The following ABLIM1 variants were observed in gnomAD, a reference collection of about 807,000 sequenced individuals.
ABLIM1 encodes the protein actin-binding LIM protein 1.
ABLIM1 carries 40 observed loss-of-function variants against 107.0 expected under a neutral mutation model. That is an observed-to-expected ratio of 0.37 (90% CI 0.29 to 0.49). ABLIM1 has a LOEUF of 0.49. Among genes scored for constraint, ABLIM1 ranks in the 20% least tolerant of loss-of-function variants. The probability of loss-of-function intolerance (pLI) is 0.97; values close to 1 mark genes in which losing one functional copy is unlikely to be tolerated. For synonymous variants in ABLIM1, 357 were observed against 357.3 expected (o/e 1.00, Z 0.01); for missense variants, 857 against 1,008.5 (o/e 0.85, Z 2.04).
chr10:114,646,620 G>T (rs974195829), intron 1 of ABLIM1, among the ~76,000 whole-genome samples: 1 of 152,186 alleles, frequency 6.6e-6, no homozygotes, highest in African/African-American at 2.4e-5. Context: ...TTCAAAGGAA[G>T]GAATGCTTGC....
intron 1 of ABLIM1, chr10:114,631,929 C>A (rs2078208924): frequency 1.5e-6 from 2 of 1,304,358 alleles, no homozygotes; most frequent in African/African-American, 3.0e-5. Flanking sequence ...GCAACCGGGT[C>A]CTCCGACGAG....
At chr10:114,563,006 A>G (rs1438291389) in intron 4 of ABLIM1, among the ~76,000 whole-genome samples, 2 of 152,226 alleles carry the variant, frequency 1.3e-5, no homozygotes, top group Non-Finnish European at 2.9e-5. Context: ...ACGTGAGCTC[A>G]CCCCATTGCC....
In ABLIM1 at chr10:114,667,017, T is replaced by A. The variant is rs575136954; in HGVS notation, c.64+17273A>T. Among the ~76,000 whole-genome samples, 5 of 152,276 alleles carry A rather than the reference T, an allele frequency of 3.3e-5. No individual in the cohort carries two copies. The East Asian group carries it at 7.7e-4, about 23-fold the overall frequency. The stretch of plus-strand genomic sequence containing the variant: ...ACTCATAAAAAGAAAAAAGCACCAC[T>A]GTCCACGTCTCCACCCTCCAGCAAA... On this transcript the variant is annotated intron_variant, in intron 1 of 23. Transcript: ENST00000369256.
intron 1 of ABLIM1, among the ~76,000 whole-genome samples, chr10:114,679,675 T>A (rs1418713718): frequency 6.0e-5 from 9 of 150,392 alleles, no homozygotes; most frequent in Non-Finnish European, 1.2e-4. Context: ...AACCTTTTAA[T>A]AAATTGCATG....
chr10:114,595,266 T>C (rs890701806), intron 2 of ABLIM1: 1 of 152,210 alleles, frequency 6.6e-6, no homozygotes, highest in African/African-American at 2.4e-5. Context: ...AAATGAACTA[T>C]AATTCACATT....
chr10:114,573,885 C>CA (rs2072074248), intron 3 of ABLIM1, among the ~76,000 whole-genome samples: 3 of 152,110 alleles, frequency 2.0e-5, no homozygotes, highest in Non-Finnish European at 2.9e-5. Flanking sequence ...AGGCTGTGTG[C>CA]CACAGCCTGA....
At chr10:114,719,679 T>G (rs1412778386) in intron 1 of ABLIM1, among the ~76,000 whole-genome samples, 4 of 152,226 alleles carry the variant, frequency 2.6e-5, no homozygotes, top group Non-Finnish European at 4.4e-5. Context: ...TGTGCTTTGC[T>G]GGATGATCCC....
chr10:114,480,600 A>T (rs2057200539), intron 8 of ABLIM1, among the ~76,000 whole-genome samples: 1 of 152,236 alleles, frequency 6.6e-6, no homozygotes, highest in Non-Finnish European at 1.5e-5. Flanking sequence ...GAAAGCAGGC[A>T]AGGTAGATAG....
At chr10:114,767,612 T>C (rs935275819) in intron 1 of ABLIM1, among the ~76,000 whole-genome samples, 1 of 124,638 alleles carries the variant, frequency 8.0e-6, no homozygotes, top group Admixed American at 7.6e-5. Flanking sequence ...GTGGGGAATT[T>C]ACTTTTTTTT....
chr10:114,747,772 G>C (rs1295035258), intron 1 of ABLIM1, among the ~76,000 whole-genome samples: 9 of 152,212 alleles, frequency 5.9e-5, no homozygotes. Context: ...GGGCACGATG[G>C]CTCACGCCTG....
chr10:114,752,906 T>C (rs1236512052), intron 1 of ABLIM1, among the ~76,000 whole-genome samples: 1 of 152,210 alleles, frequency 6.6e-6, no homozygotes, highest in Non-Finnish European at 1.5e-5. Context: ...AATATATGCG[T>C]GCAACAGATT....
intron 1 of ABLIM1, among the ~76,000 whole-genome samples, chr10:114,628,030 G>A (rs1448346479): frequency 1.3e-5 from 2 of 152,148 alleles, no homozygotes; most frequent in African/African-American, 2.4e-5. Flanking sequence ...GCTGAGGCAG[G>A]AGAATCACTT....
rs113538280 is a variant in ABLIM1 at position 114,741,517 on chromosome 10, G to A, written c.-213+26544C>T. 4.1e-3 allele frequency among the ~76,000 whole-genome samples: 627 copies of A among 152,034 alleles called. 5 individuals are homozygous for A. Among genetic ancestry groups the A allele is most frequent in the African/African-American group, 0.014 (601 of 41,474 alleles). ...TGGGATTACAGGCGTGAGCCACCTC[G>A]CCTGGCCAGCCTATTCTTAATATGA... On this transcript the variant is annotated intron_variant, in intron 1 of 15. Coordinates refer to the ABLIM1 transcript ENST00000651092.
At chr10:114,602,548 T>C (rs560480828) in intron 1 of ABLIM1, among the ~76,000 whole-genome samples, 9 of 152,342 alleles carry the variant, frequency 5.9e-5, no homozygotes, top group African/African-American at 2.2e-4. Context: ...CGATCATAAA[T>C]GGCAACTCAT....
chr10:114,766,568 G>A (rs2082899362), intron 1 of ABLIM1, among the ~76,000 whole-genome samples: 1 of 152,090 alleles, frequency 6.6e-6, no homozygotes, highest in Non-Finnish European at 1.5e-5. Flanking sequence ...TAACAAACTT[G>A]ATGCTTCCTA....
rs1163580318 is a variant in ABLIM1 at position 114,717,151 on chromosome 10, CA to C, written c.-213+50909del. On this transcript the variant is annotated intron_variant, in intron 1 of 15. Transcript: ENST00000651092. ...CAGGCCTCCTCTGTGAATGATTCAC[CA>C]GTGAAGTAATTTTACCATTATCATT... 2.6e-5 allele frequency among the ~76,000 whole-genome samples: 4 copies of C among 152,270 alleles called. No individual in the cohort carries two copies. In the East Asian group the frequency reaches 7.7e-4, roughly 29 times the overall value.
At chr10:114,672,203 T>C (rs2080285327) in intron 1 of ABLIM1, among the ~76,000 whole-genome samples, 1 of 151,798 alleles carries the variant, frequency 6.6e-6, no homozygotes, top group Admixed American at 6.6e-5. Flanking sequence ...TTATTTATTT[T>C]TATTTTTTAT....
chr10:114,767,125 T>C, intron 1 of ABLIM1, among the ~76,000 whole-genome samples: 1 of 66,378 alleles, frequency 1.5e-5, no homozygotes. Context: ...CAGCGCTTAA[T>C]TATCCAACAC....
chr10:114,630,928 T>G (rs1383288961), intron 1 of ABLIM1, among the ~76,000 whole-genome samples: 1 of 152,202 alleles, frequency 6.6e-6, no homozygotes, highest in African/African-American at 2.4e-5. Flanking sequence ...AAAATGATCA[T>G]AGAATGATTC....
Sources: allele counts gnomAD v4.1 joint callset (sites outside exome capture counted in the v4.1 genomes callset), GRCh38; gene constraint gnomAD v4.1.1; transcripts MANE v1.5; gene names NCBI Gene and HGNC (gene_info 2026-07-23, HGNC 2026-07-21).